Variants in ZBTB4 observed in about 807,000 individuals in gnomAD.
ZBTB4 encodes the protein zinc finger and BTB domain containing 4.
A neutral mutation model predicts 59.8 loss-of-function variants in ZBTB4; 14 were observed. That is an observed-to-expected ratio of 0.23 (90% confidence interval 0.15 to 0.37). ZBTB4 has a LOEUF of 0.37. Among genes scored for constraint, ZBTB4 ranks in the 10% least tolerant of loss-of-function variants. The pLI, the probability that ZBTB4 is intolerant of heterozygous loss-of-function variation, is 1.00. For missense variants in ZBTB4, 1,198 were observed against 1,380.8 expected (o/e 0.87, Z 2.10); for synonymous variants, 587 against 575.2 (o/e 1.02, Z -0.29).
At position 7,466,463 on chromosome 17, in the gene ZBTB4, A is replaced by C; in HGVS notation, c.339T>G (p.Pro113=). Residue 113 remains proline (P), a synonymous_variant, in exon 3 of 4, where the codon CCT becomes CCG. Coordinates refer to ENST00000380599, the MANE Select transcript of ZBTB4 (RefSeq NM_001128833.2). This position sits in a 1 kb window ranked among gnomAD's most constrained non-coding sequence, Gnocchi z 9.1. ...SSSSSSSSSP[P]PASPPASSPP... is the part of the protein sequence containing the mutation. ...GGGAAGAAGCAGGGGGAGAGGCTGG[A>C]GGGGGAGAGGAAGAGGAAGAGGAAG... 1.2e-6 allele frequency: 2 copies of C among 1,610,716 alleles called. No individual in the cohort carries two copies. The highest frequency in any genetic ancestry group is 3.4e-5 in the Admixed American group (2 of 59,422).
upstream of ZBTB4, among the ~76,000 whole-genome samples, chr17:7,483,672 C>T (rs1944041794): frequency 6.6e-6 from 1 of 152,222 alleles, no homozygotes; most frequent in Non-Finnish European, 1.5e-5. Context: ...CTTTCGTGGC[C>T]CGCCCCATGG....
intron 1 of ZBTB4, among the ~76,000 whole-genome samples, chr17:7,472,980 A>C (rs963794398): frequency 7.0e-6 from 1 of 142,466 alleles, no homozygotes; most frequent in Non-Finnish European, 1.5e-5. Context: ...CGGGGGACAG[A>C]GTCTAGCTCT....
rs189924000 is a variant in ZBTB4, at chr17:7,477,959, C to T, written c.-81+1497G>A. ...GATTAGCTGGGCCATCTGACAACAC[C>T]CATGCCTCCCGCCGGCCTCCATGCG... On this transcript the variant is annotated intron_variant, in intron 1 of 3. Transcript: ENST00000380599. Among the ~76,000 whole-genome samples the T allele has an allele frequency of 1.7e-3, 255 of 152,226 alleles. 2 individuals carry two copies. The Middle Eastern group carries it at 0.02, about 12-fold the overall frequency.
rs2150848678 is a variant in ZBTB4, at chr17:7,462,431, T to C, written c.2551A>G (p.Ile851Val). 2 of 1,613,912 alleles carry C rather than the reference T, an allele frequency of 1.2e-6. No homozygotes were observed. Among genetic ancestry groups the C allele is most frequent in the South Asian group, 1.1e-5 (1 of 91,074 alleles). ...GGGGGCTCCTCACCCCCTGAAATGA[T>C]AGGGTCCTGGAGTGAGGCGGTCTCG... is the stretch of plus-strand genomic sequence containing the variant. ...ASETASLQDP[I>V]ISGGEEPPVV... The change falls in exon 4 of 4, where the codon ATC becomes GTC. Residue 851 changes from isoleucine (I) to valine (V), a missense_variant. Coordinates refer to ENST00000380599, the MANE Select transcript of ZBTB4 (RefSeq NM_001128833.2). This position sits in a 1 kb window ranked among gnomAD's most constrained non-coding sequence, Gnocchi z 7.5.
upstream of ZBTB4, chr17:7,482,675 C>T (rs778656766): frequency 1.9e-6 from 3 of 1,612,038 alleles, no homozygotes; most frequent in South Asian, 3.3e-5. Flanking sequence ...CTTGGTGGGG[C>T]TGCTGGGCTC....
At chr17:7,480,923 G>C (rs1359390776), upstream of ZBTB4, among the ~76,000 whole-genome samples, 1 of 71,768 alleles carries the variant, frequency 1.4e-5, no homozygotes, top group African/African-American at 3.9e-5. Flanking sequence ...GGGAGGCGGG[G>C]GGTGGTGGGG....
At chr17:7,477,570 C>G (rs2070285955) in intron 1 of ZBTB4, among the ~76,000 whole-genome samples, 1 of 152,164 alleles carries the variant, frequency 6.6e-6, no homozygotes. Context: ...TTGGAATGCA[C>G]TTGCACACAC....
At chr17:7,480,140 C>G (rs75080956), upstream of ZBTB4, among the ~76,000 whole-genome samples, 2,052 of 152,248 alleles carry the variant, frequency 0.013, 47 homozygotes, top group African/African-American at 0.046. Context: ...CCTGGCCCTG[C>G]ATACGGGGCA....
At chr17:7,465,021 T>C (rs111805709) in intron 3 of ZBTB4, among the ~76,000 whole-genome samples, 1 of 150,580 alleles carries the variant, frequency 6.6e-6, no homozygotes, top group African/African-American at 2.5e-5. Context: ...CCGGGCGTGA[T>C]GGCGGGCGCC....
intron 3 of ZBTB4, among the ~76,000 whole-genome samples, chr17:7,464,769 T>C (rs1597766221): frequency 7.2e-6 from 1 of 138,568 alleles, no homozygotes. Flanking sequence ...ACCCAGGAGG[T>C]AGAGGTTGCA....
At chr17:7,474,132 G>T (rs1352555681) in intron 1 of ZBTB4, among the ~76,000 whole-genome samples, 1 of 151,486 alleles carries the variant, frequency 6.6e-6, no homozygotes, top group Non-Finnish European at 1.5e-5. Context: ...GACCAGGCTG[G>T]TCTCGAACTC....
At chr17:7,465,111 A>G (rs181571230) in intron 3 of ZBTB4, among the ~76,000 whole-genome samples, 1,417 of 141,304 alleles carry the variant, frequency 0.01, 12 homozygotes, top group Non-Finnish European at 0.012. Flanking sequence ...AGCCGAGATC[A>G]CGCCACTGCA....
In ZBTB4 at chr17:7,462,609, C is replaced by G. The variant is rs1470804886; in HGVS notation, c.2373G>C (p.Arg791=). The G allele has an allele frequency of 6.2e-7, 1 of 1,609,900 alleles. No homozygotes were observed. The highest frequency in any genetic ancestry group is 1.7e-5 in the Admixed American group (1 of 59,786). The change falls in exon 4 of 4, where the codon CGG becomes CGC. Residue 791 remains arginine, a synonymous_variant. Coordinates refer to ENST00000380599, the MANE Select transcript of ZBTB4 (RefSeq NM_001128833.2). This position sits in a 1 kb window ranked among gnomAD's most constrained non-coding sequence, Gnocchi z 7.5. ...SRHGQRHAAE[R]PGGTPTPVIA... ...TGACAGGGGTTGGGGTGCCCCCGGG[C>G]CGCTCAGCAGCATGCCTCTGCCCGT...
chr17:7,472,227 G>A (rs184102012), intron 1 of ZBTB4, among the ~76,000 whole-genome samples: 1 of 151,234 alleles, frequency 6.6e-6, no homozygotes, highest in Non-Finnish European at 1.5e-5. Flanking sequence ...GTCCAGCTCT[G>A]TCGCCCAGGC....
At chr17:7,481,163 CAAAA>C (rs34984586), upstream of ZBTB4, among the ~76,000 whole-genome samples, 1 of 130,234 alleles carries the variant, frequency 7.7e-6, no homozygotes, top group Non-Finnish European at 1.6e-5. Flanking sequence ...AACTCCGTCC[CAAAA>C]AAAAAAAAAA....
At position 7,466,797 on chromosome 17, in the gene ZBTB4, G is replaced by T; in HGVS notation, c.5C>A (p.Pro2His). 1 of 1,561,758 alleles carries T rather than the reference G, an allele frequency of 6.4e-7. No individual in the cohort carries two copies. Among genetic ancestry groups the T allele is most frequent in the Non-Finnish European group, 8.7e-7 (1 of 1,155,810 alleles). ...CGGGTCCGTCACCTCTGCAGGGGGGGGCATGGTGCCAGCCTAGACAGTGGG... is the reference window on the plus strand; with the variant it reads ...CGGGTCCGTCACCTCTGCAGGGGGGTGCATGGTGCCAGCCTAGACAGTGGG... The part of the protein sequence containing the change: M[P>H]PPAEVTDPSH... The change falls in exon 3 of 4, where the codon CCC becomes CAC. Residue 2 changes from proline to histidine, a missense_variant. Physicochemically the swap from Pro to His is moderately conservative, Grantham distance 77. This residue lies in a region of ZBTB4 where 44 missense variants were observed against 86.2 expected (regional missense o/e 0.51). Transcript: ENST00000380599. This position sits in a 1 kb window ranked among gnomAD's most constrained non-coding sequence, Gnocchi z 9.1.
rs2070039570 is a variant in ZBTB4 at position 7,462,568 on chromosome 17, C to T, written c.2414G>A (p.Gly805Asp). The change falls in exon 4 of 4, where the codon GGC becomes GAC. Residue 805 changes from glycine (G) to aspartate (D), a missense_variant. Gly to Asp is a moderately conservative substitution (Grantham distance 94). Coordinates refer to ENST00000380599, the MANE Select transcript of ZBTB4 (RefSeq NM_001128833.2). This position sits in a 1 kb window ranked among gnomAD's most constrained non-coding sequence, Gnocchi z 7.5. ...TPTPVIAYSKGSAGTRPGDVK... is the reference protein window; with the variant it reads ...TPTPVIAYSKDSAGTRPGDVK... ...ATCCCCGGGCCTGGTGCCAGCGCTG[C>T]CCTTGGAATAGGCAATGACAGGGGT... 3 of 1,613,358 alleles carry T rather than the reference C, an allele frequency of 1.9e-6. No individual in the cohort carries two copies. The highest frequency in any genetic ancestry group is 2.5e-6 in the Non-Finnish European group (3 of 1,179,834).
At chr17:7,464,879 G>A (rs574281756) in intron 3 of ZBTB4, among the ~76,000 whole-genome samples, 4 of 150,444 alleles carry the variant, frequency 2.7e-5, no homozygotes, top group East Asian at 2.0e-4. Flanking sequence ...AAATGCCGCC[G>A]GGCGCGGTGG....
chr17:7,483,771 T>A (rs2150871713), upstream of ZBTB4, among the ~76,000 whole-genome samples: 1 of 152,030 alleles, frequency 6.6e-6, no homozygotes, highest in Non-Finnish European at 1.5e-5. Flanking sequence ...CCAGCTGAAG[T>A]CTCTTCGAGA....
Sources: gnomAD v4.1 joint callset for allele counts (sites outside exome capture counted in the v4.1 genomes callset) on GRCh38, gnomAD v4.1.1 for gene constraint, gnomAD v4.1.1 regional missense constraint, Gnocchi (gnomAD v3.1) non-coding constraint, MANE v1.5 for transcripts, NCBI Gene and HGNC (gene_info 2026-07-23, HGNC 2026-07-21) for gene names.